The following AEBP2 variants were observed in gnomAD, a reference collection of about 807,000 sequenced individuals.
The protein encoded by AEBP2 is AE binding protein 2, also known as zinc finger protein AEBP2.
A neutral mutation model predicts 50.8 loss-of-function variants in AEBP2; 10 were observed. That is an observed-to-expected ratio of 0.20 (90% CI 0.12 to 0.33). The LOEUF is 0.33. Ranked by LOEUF, AEBP2 falls within the 10% of genes least tolerant of loss-of-function variation. The probability of loss-of-function intolerance (pLI) is 1.00; values close to 1 mark genes in which losing one functional copy is unlikely to be tolerated. For missense variants in AEBP2, 570 were observed against 688.0 expected (o/e 0.83, Z 1.92); for synonymous variants, 296 against 261.3 (o/e 1.13, Z -1.28).
intron 1 of AEBP2, chr12:19,404,299 C>T (rs939606602): frequency 5.3e-5 from 8 of 152,292 alleles, no homozygotes; most frequent in African/African-American, 1.9e-4. Context: ...CTCTTTCTCA[C>T]ACATTCCCCA....
chr12:19,416,145 G>A (rs941918706), intron 1 of AEBP2, among the ~76,000 whole-genome samples: 2 of 152,104 alleles, frequency 1.3e-5, no homozygotes, highest in East Asian at 1.9e-4. Flanking sequence ...TAGCGTTGCC[G>A]TACTCCAGCT....
intron 1 of AEBP2, among the ~76,000 whole-genome samples, chr12:19,406,443 C>T (rs2095736310): frequency 6.6e-6 from 1 of 152,034 alleles, no homozygotes; most frequent in Non-Finnish European, 1.5e-5. Flanking sequence ...CTTTGGGAGG[C>T]CCAGGTGGGT....
chr12:19,501,793 G>GTTTTTTTTTTTTT (rs1204632203), intron 5 of AEBP2, among the ~76,000 whole-genome samples: 1 of 35,180 alleles, frequency 2.8e-5, no homozygotes, highest in Non-Finnish European at 7.5e-5. Flanking sequence ...ATAAAAATGA[G>GTTTTTTTTTTTTT]TTTGTTTTTT....
intron 1 of AEBP2, among the ~76,000 whole-genome samples, chr12:19,414,133 C>T (rs2095740951): frequency 6.6e-6 from 1 of 152,034 alleles, no homozygotes; most frequent in African/African-American, 2.4e-5. Flanking sequence ...ACCTCGTGAT[C>T]CTCCCGCCTC....
intron 2 of AEBP2, among the ~76,000 whole-genome samples, chr12:19,463,706 C>T (rs1200495003): frequency 8.0e-6 from 1 of 124,878 alleles, no homozygotes; most frequent in Non-Finnish European, 1.6e-5. Context: ...CGGAGTCTCA[C>T]TCTGTTGCCC....
intron 2 of AEBP2, among the ~76,000 whole-genome samples, chr12:19,465,320 G>C (rs1038588185): frequency 6.6e-6 from 1 of 151,982 alleles, no homozygotes; most frequent in Admixed American, 6.6e-5. Flanking sequence ...CTTGAACCCG[G>C]GAGGCGGAGG....
At chr12:19,443,379 G>A (rs1482417517) in intron 1 of AEBP2, among the ~76,000 whole-genome samples, 3 of 151,708 alleles carry the variant, frequency 2.0e-5, no homozygotes, top group South Asian at 2.1e-4. Flanking sequence ...TTACAGGAGT[G>A]AGCCGCCACC....
chr12:19,472,093 C>G (rs1948582211), intron 2 of AEBP2, among the ~76,000 whole-genome samples: 1 of 152,112 alleles, frequency 6.6e-6, no homozygotes, highest in African/African-American at 2.4e-5. Context: ...ACCTATTTGA[C>G]ATAAGATGGT....
chr12:19,420,710 C>T (rs564699030), intron 1 of AEBP2, among the ~76,000 whole-genome samples: 11 of 152,084 alleles, frequency 7.2e-5, no homozygotes, highest in Non-Finnish European at 1.5e-4. Context: ...ATCCAATTTA[C>T]GTTCCATGTC....
At chr12:19,441,128 T>C (rs1192445938) in intron 1 of AEBP2, among the ~76,000 whole-genome samples, 1 of 152,232 alleles carries the variant, frequency 6.6e-6, no homozygotes, top group African/African-American at 2.4e-5. Flanking sequence ...TTTGCGGCTT[T>C]ATAGTAATGT....
At chr12:19,427,377 CAAA>C (rs58310486) in intron 1 of AEBP2, among the ~76,000 whole-genome samples, 5 of 69,978 alleles carry the variant, frequency 7.1e-5, no homozygotes, top group African/African-American at 2.0e-4. Context: ...GAGTCTGTCT[CAAA>C]AAAAAAAAAA....
intron 3 of AEBP2, among the ~76,000 whole-genome samples, chr12:19,478,940 G>A (rs760830958): frequency 8.5e-5 from 13 of 152,066 alleles, no homozygotes; most frequent in Non-Finnish European, 1.9e-4. Context: ...TGTATATCCT[G>A]GCCAGGCATG....
At chr12:19,492,439 G>A (rs1228901844) in intron 3 of AEBP2, among the ~76,000 whole-genome samples, 1 of 152,104 alleles carries the variant, frequency 6.6e-6, no homozygotes, top group African/African-American at 2.4e-5. Flanking sequence ...AACATTGCAA[G>A]TACAGAAGGC....
At chr12:19,497,645 G>A (rs1288602574) in intron 4 of AEBP2, among the ~76,000 whole-genome samples, 1 of 151,954 alleles carries the variant, frequency 6.6e-6, no homozygotes, top group African/African-American at 2.4e-5. Flanking sequence ...GCTAATTTTT[G>A]TATTTTTAGT....
At chr12:19,463,708 C>G (rs1005272599) in intron 2 of AEBP2, among the ~76,000 whole-genome samples, 3 of 120,822 alleles carry the variant, frequency 2.5e-5, no homozygotes, top group African/African-American at 9.8e-5. Context: ...GAGTCTCACT[C>G]TGTTGCCCAG....
At chr12:19,474,020 G>A (rs1948612573) in intron 3 of AEBP2, among the ~76,000 whole-genome samples, 2 of 152,008 alleles carry the variant, frequency 1.3e-5, no homozygotes, top group Non-Finnish European at 2.9e-5. Context: ...ATTTTCATTA[G>A]CAAACAACAT....
intron 7 of AEBP2, among the ~76,000 whole-genome samples, chr12:19,515,050 A>G (rs921944387): frequency 6.6e-6 from 1 of 152,206 alleles, no homozygotes; most frequent in African/African-American, 2.4e-5. Flanking sequence ...ATACATAGTA[A>G]TTTGAAAATA....
chr12:19,510,648 T>G (rs1949219962), intron 5 of AEBP2, among the ~76,000 whole-genome samples: 1 of 152,038 alleles, frequency 6.6e-6, no homozygotes. Context: ...TACTTTGGAG[T>G]CTAGATATGT....
intron 1 of AEBP2, chr12:19,456,749 G>C: frequency 6.3e-7 from 1 of 1,590,380 alleles, no homozygotes; most frequent in Non-Finnish European, 8.6e-7. Flanking sequence ...AAGCTTCATG[G>C]TGCATTTCGA....
Sources: allele counts gnomAD v4.1 joint callset (sites outside exome capture counted in the v4.1 genomes callset), GRCh38; gene constraint gnomAD v4.1.1; transcripts MANE v1.5; gene names NCBI Gene and HGNC (gene_info 2026-07-23, HGNC 2026-07-21).